FGFR1: variants seen among roughly 807,000 people sequenced by gnomAD.
The protein encoded by FGFR1 is fibroblast growth factor receptor 1, also known as FGFR1/PLAG1 fusion.
In FGFR1, 18 loss-of-function variants were observed where a neutral mutation model predicts 93.7. The observed-to-expected ratio is 0.19, with a 90% CI of 0.13 to 0.28. The LOEUF (loss-of-function observed/expected upper bound fraction) is 0.28, where lower values mean the gene tolerates loss of function less well. Among genes scored for constraint, FGFR1 ranks in the 10% least tolerant of loss-of-function variants. The pLI, the probability that FGFR1 is intolerant of heterozygous loss-of-function variation, is 1.00. For synonymous variants in FGFR1, 448 were observed against 429.3 expected (o/e 1.04, Z -0.54); for missense variants, 731 against 1,080.4 (o/e 0.68, Z 4.53).
chr8:38,413,322 C>T lies in FGFR1; in HGVS notation c.*306G>A. 2.1e-6 allele frequency: 1 copy of T among 472,978 alleles called. No individual in the cohort carries two copies. Among genetic ancestry groups the T allele is most frequent in the South Asian group, 3.3e-5 (1 of 30,362 alleles). The allele number at this position is 472,978 out of a possible 1,614,324, so 29.3% of individuals were successfully genotyped here. A position where few individuals can be genotyped will look rare whatever the true frequency, so the allele number is the denominator to read the frequency against. The stretch of plus-strand genomic sequence containing the variant: ...TCACTTGCATGCCTGTTCATTGGCT[C>T]CCACTCCCTGCCCTCCAGGCAGTGC... On this transcript the variant is annotated 3_prime_UTR_variant, in exon 18 of 18. Transcript: ENST00000447712. This position sits in a 1 kb window ranked among gnomAD's most constrained non-coding sequence, Gnocchi z 4.2.
chr8:38,430,201 C>A, intron 2 of FGFR1: 1 of 554,810 alleles, frequency 1.8e-6, no homozygotes, highest in Non-Finnish European at 3.2e-6. Flanking sequence ...AAGAAAGAGG[C>A]AAAGTTAGGA....
intron 1 of FGFR1, among the ~76,000 whole-genome samples, chr8:38,466,964 C>G (rs1349283085): frequency 1.3e-5 from 2 of 151,412 alleles, no homozygotes; most frequent in Non-Finnish European, 2.9e-5. Flanking sequence ...ATATGAACCC[C>G]CATCTACAAG....
intron 13 of FGFR1, among the ~76,000 whole-genome samples, chr8:38,415,468 A>ATTTTT (rs11451619): frequency 7.1e-6 from 1 of 141,690 alleles, no homozygotes; most frequent in Non-Finnish European, 1.5e-5. Context: ...TAATTTTTTA[A>ATTTTT]TTTTTTTTTT....
chr8:38,455,322 C>T (rs924820644), intron 2 of FGFR1, among the ~76,000 whole-genome samples: 5 of 152,112 alleles, frequency 3.3e-5, no homozygotes, highest in African/African-American at 1.2e-4. Context: ...ACTCTGTTGC[C>T]CAGGCTGGAG....
At position 38,419,615 on chromosome 8, in the gene FGFR1, C is replaced by G. The variant is rs1187822240; in HGVS notation, c.1202G>C (p.Ser401Thr). ...GTGGAAGTCACTCTTCTTGGTACCA[C>G]TCTTCATCTTGTAGACGATGACCGA... Reference protein sequence around the residue: ...VGSVIVYKMKSGTKKSDFHSQ... With the variant: ...VGSVIVYKMKTGTKKSDFHSQ... The change falls in exon 9 of 18, where the codon AGT becomes ACT. Residue 401 changes from serine (S) to threonine (T), a missense_variant. Physicochemically the swap from Ser to Thr is moderately conservative, Grantham distance 58 (BLOSUM62 1). Transcript: ENST00000447712. 2.5e-6 allele frequency: 4 copies of G among 1,614,148 alleles called. No individual in the cohort carries two copies. In the Admixed American group the frequency reaches 6.7e-5, roughly 27 times the overall value.
At chr8:38,459,941 T>C (rs533154155) in intron 1 of FGFR1, among the ~76,000 whole-genome samples, 1 of 152,242 alleles carries the variant, frequency 6.6e-6, no homozygotes, top group African/African-American at 2.4e-5. Flanking sequence ...CCCGGGACTT[T>C]GGGAGGCTGA....
chr8:38,448,331 G>A lies in FGFR1; in HGVS notation c.91+9025C>T, dbSNP rs573871310. 1.3e-3 allele frequency among the ~76,000 whole-genome samples: 186 copies of A among 148,650 alleles called. 1 individual carries two copies. Among genetic ancestry groups the A allele is most frequent in the African/African-American group, 4.4e-3 (177 of 40,170 alleles). On this transcript the variant is annotated intron_variant, in intron 2 of 17. Coordinates refer to ENST00000447712, the MANE Select transcript of FGFR1 (RefSeq NM_023110.3). ...GTTTCGCTCTTTTGCCCAGGCTGAAGTGAAGTGGTGCGATCTCGGCTCACT... is the reference window on the plus strand; with the variant it reads ...GTTTCGCTCTTTTGCCCAGGCTGAAATGAAGTGGTGCGATCTCGGCTCACT...
In FGFR1 at chr8:38,413,682, G is replaced by A. The variant is rs762400946; in HGVS notation, c.2415C>T (p.Pro805=). ...VFSHEPLPEE[P]CLPRHPAQLA... Reference sequence around the variant, plus strand: ...GCTGGGCTGGGTGTCGGGGCAGGCAGGGCTCCTCGGGCAGCGGCTCATGAG... The same window carrying A: ...GCTGGGCTGGGTGTCGGGGCAGGCAAGGCTCCTCGGGCAGCGGCTCATGAG... Residue 805 remains proline (P), a synonymous_variant, in exon 18 of 18, where the codon CCC becomes CCT. Transcript: ENST00000447712. The surrounding 1 kb of genome is among the most constrained non-coding windows in gnomAD (Gnocchi z 4.2). The A allele has an allele frequency of 1.2e-6, 2 of 1,613,514 alleles. No homozygotes were observed. The highest frequency in any genetic ancestry group is 1.7e-6 in the Non-Finnish European group (2 of 1,179,818).
chr8:38,465,654 C>A (rs2151477988), intron 1 of FGFR1: 1 of 224,214 alleles, frequency 4.5e-6, no homozygotes, highest in Non-Finnish European at 8.9e-6. Flanking sequence ...TGCTGAACCT[C>A]GGTCACCGAG....
chr8:38,430,199 G>A, intron 2 of FGFR1: 2 of 555,408 alleles, frequency 3.6e-6, no homozygotes, highest in Non-Finnish European at 6.4e-6. Context: ...GGAAGAAAGA[G>A]GCAAAGTTAG....
chr8:38,423,945 C>CAATT (rs1819760393), intron 7 of FGFR1: 1 of 180,032 alleles, frequency 5.6e-6, no homozygotes, highest in African/African-American at 2.4e-5. Context: ...GAGATTTAGG[C>CAATT]AATTACCTTC....
At chr8:38,417,814 G>A (rs2150644553) in intron 11 of FGFR1, 56 bp downstream of exon 11, 1 of 1,613,702 alleles carries the variant, frequency 6.2e-7, no homozygotes, top group Non-Finnish European at 8.5e-7. Context: ...CCCGAGGCCT[G>A]CTGTTTGCTT....
At chr8:38,431,386 G>A (rs752932902) in intron 2 of FGFR1, among the ~76,000 whole-genome samples, 2 of 152,162 alleles carry the variant, frequency 1.3e-5, no homozygotes, top group African/African-American at 4.8e-5. Context: ...ATGTGTCATC[G>A]GTACCTTTAA....
chr8:38,415,724 A>G, intron 13 of FGFR1, 146 bp downstream of exon 13: 2 of 833,434 alleles, frequency 2.4e-6, no homozygotes, highest in Non-Finnish European at 4.0e-6. Flanking sequence ...CAGTTCCCAG[A>G]GAGCCTAAGA....
In FGFR1 at chr8:38,414,812, A is replaced by G. The variant is rs766962343; in HGVS notation, c.1944T>C (p.Ile648=). 2 of 1,613,608 alleles carry G rather than the reference A, an allele frequency of 1.2e-6. No individual in the cohort carries two copies. The highest frequency in any genetic ancestry group is 1.7e-5 in the Admixed American group (1 of 59,934). The change falls in exon 14 of 18, where the codon ATT becomes ATC. Residue 648 remains isoleucine (I), a synonymous_variant. Transcript: ENST00000447712. The part of the protein sequence containing the change: ...KIADFGLARD[I]HHIDYYKKTT... ...TCTTTTTATAGTAGTCGATGTGGTG[A>G]ATGTCCCGTGCGAGGCCAAAGTCTG...
At chr8:38,418,147 G>T in intron 10 of FGFR1, 81 bp downstream of exon 10, 1 of 1,609,166 alleles carries the variant, frequency 6.2e-7, no homozygotes, top group Non-Finnish European at 8.5e-7. Flanking sequence ...CCGCCCAGAA[G>T]GTGTTAGTAT....
intron 2 of FGFR1, among the ~76,000 whole-genome samples, chr8:38,431,607 G>A (rs1294602410): frequency 6.6e-6 from 1 of 152,096 alleles, no homozygotes; most frequent in Non-Finnish European, 1.5e-5. Flanking sequence ...TGGGTGTCCC[G>A]CGCATCATGA....
Position 38,426,111 on chromosome 8 carries a change from T to G in FGFR1, c.745+11A>C. ...CTAAACTCATTCCTCCTGCTGCCTCTGCCCTCTTACCCACGACATCCAGCT... is the reference window on the plus strand; with the variant it reads ...CTAAACTCATTCCTCCTGCTGCCTCGGCCCTCTTACCCACGACATCCAGCT... On this transcript the variant is annotated intron_variant, in intron 6 of 17. Transcript: ENST00000447712. The surrounding 1 kb of genome is among the most constrained non-coding windows in gnomAD (Gnocchi z 4.1). 1 of 1,614,156 alleles carries G rather than the reference T, an allele frequency of 6.2e-7. No individual in the cohort carries two copies.
At chr8:38,432,695 C>T (rs1034866442) in intron 2 of FGFR1, among the ~76,000 whole-genome samples, 10 of 152,098 alleles carry the variant, frequency 6.6e-5, no homozygotes, top group African/African-American at 9.7e-5. Flanking sequence ...GGCGCCCAGC[C>T]GGGATAATCT....
Sources: allele counts gnomAD v4.1 joint callset (sites outside exome capture counted in the v4.1 genomes callset), GRCh38; gene constraint gnomAD v4.1.1; non-coding constraint Gnocchi (gnomAD v3.1); transcripts MANE v1.5; gene names NCBI Gene and HGNC (gene_info 2026-07-23, HGNC 2026-07-21).